The following TMEM260 variants were observed in gnomAD, a reference collection of about 807,000 sequenced individuals.
The protein encoded by TMEM260 is transmembrane protein 260, also known as protein O-mannosyl-transferase TMEM260.
A neutral mutation model predicts 88.9 loss-of-function variants in TMEM260; 82 were observed. The ratio of observed to expected loss-of-function variants is 0.92; its 90% CI spans 0.77 to 1.11. The LOEUF (loss-of-function observed/expected upper bound fraction) is 1.11, where lower values mean the gene tolerates loss of function less well. Ranked by LOEUF, TMEM260 falls within the 50% of genes least tolerant of loss-of-function variation. The probability of loss-of-function intolerance (pLI) is 0.00; values close to 1 mark genes in which losing one functional copy is unlikely to be tolerated. For missense variants in TMEM260, 902 were observed against 853.4 expected (o/e 1.06, Z -0.71); for synonymous variants, 314 against 309.3 (o/e 1.02, Z -0.16).
Position 56,625,715 on chromosome 14 carries a change from A to C in TMEM260, c.1547+185A>C, listed in dbSNP as rs534378035. 4.6e-5 allele frequency among the ~76,000 whole-genome samples: 7 copies of C among 152,308 alleles called. No homozygotes were observed. The South Asian group carries it at 1.0e-3, about 23-fold the overall frequency. On this transcript the variant is annotated intron_variant, in intron 12 of 15. Coordinates refer to ENST00000261556, the MANE Select transcript of TMEM260 (RefSeq NM_017799.4). ...ATGAGGCCAGGCAGAAATAAATGTT[A>C]TTGTTTTGGATAAAGGAAAAATACA...
Position 56,603,997 on chromosome 14 carries a change from CCTA to C in TMEM260, c.522+6_522+8del. On this transcript the variant is annotated splice_donor_region_variant and intron_variant, in intron 4 of 15. Transcript: ENST00000261556. ...ACTGCTAAGGAGAGATCAAAGGTAA[CCTA>C]TTTTGATCAAAGTGAAATCAGTTTT... 6.5e-7 allele frequency: 1 copy of C among 1,529,744 alleles called. No homozygotes were observed. The highest frequency in any genetic ancestry group is 8.7e-7 in the Non-Finnish European group (1 of 1,143,984). 94.8% of individuals were successfully genotyped at this position (1,529,744 alleles called of 1,614,324 possible).
At chr14:56,654,770 C>T (rs12323492), downstream of TMEM260, among the ~76,000 whole-genome samples, 15 of 136,662 alleles carry the variant, frequency 1.1e-4, no homozygotes, top group Admixed American at 5.5e-4. Flanking sequence ...GCCAAGATCG[C>T]GCCATTGCAC....
chr14:56,630,033 C>CCTAT (rs1398114289), intron 12 of TMEM260, among the ~76,000 whole-genome samples: 8 of 149,354 alleles, frequency 5.4e-5, no homozygotes, highest in East Asian at 2.0e-4. Context: ...AGAGCAAAAC[C>CCTAT]CTATCTCAGA....
At chr14:56,654,545 G>T (rs1220414388), downstream of TMEM260, among the ~76,000 whole-genome samples, 1 of 151,090 alleles carries the variant, frequency 6.6e-6, no homozygotes, top group Non-Finnish European at 1.5e-5. Flanking sequence ...TCAGGCGGGT[G>T]CAGTGGCTCA....
At chr14:56,585,334 T>C (rs1426637836) in intron 2 of TMEM260, among the ~76,000 whole-genome samples, 1 of 152,132 alleles carries the variant, frequency 6.6e-6, no homozygotes, top group Non-Finnish European at 1.5e-5. Context: ...TAATAAACTT[T>C]ATTATGGTGC....
At chr14:56,647,170 G>GTGTT (rs1242069522) in intron 15 of TMEM260, 73 bp from the exon 16 acceptor site, 2 of 1,484,684 alleles carry the variant, frequency 1.3e-6, no homozygotes. Context: ...TAATTCCTCT[G>GTGTT]TGTTTTTTTG....
upstream of TMEM260, chr14:56,579,781 C>A: frequency 1.2e-6 from 1 of 837,020 alleles, no homozygotes; most frequent in Non-Finnish European, 1.6e-6. Flanking sequence ...AAGGTGCGGT[C>A]CAACCCGCGG....
intron 13 of TMEM260, 129 bp from the exon 14 acceptor site, chr14:56,634,770 A>C: frequency 2.7e-6 from 2 of 728,266 alleles, no homozygotes. Flanking sequence ...TGAACCCAGG[A>C]GGTGGAGGTT....
chr14:56,653,736 C>CAAAAAAAAAAAAAA (rs10522889), downstream of TMEM260, among the ~76,000 whole-genome samples: 28,833 of 64,768 alleles, frequency 0.45, 5,574 homozygotes, highest in Non-Finnish European at 0.57. Flanking sequence ...CTCTTGTCTC[C>CAAAAAAAAAAAAAA]AAAACAAAAA....
chr14:56,629,175 C>T (rs1387452032), intron 12 of TMEM260, among the ~76,000 whole-genome samples: 12 of 151,722 alleles, frequency 7.9e-5, no homozygotes, highest in East Asian at 1.9e-4. Context: ...GGATTACAGG[C>T]GTGAGCCACC....
In TMEM260 at chr14:56,617,239, C is replaced by T. The variant is rs748713567; in HGVS notation, c.998C>T (p.Ser333Leu). Residue 333 changes from serine to leucine, a missense_variant, in exon 9 of 16, where the codon TCA (serine) becomes TTA (leucine). Physicochemically the swap from Ser to Leu is moderately radical, Grantham distance 145 (BLOSUM62 -2). Transcript: ENST00000261556. ...WLFTGMFCIYSLFFAWRANLD... is the reference protein window; with the variant it reads ...WLFTGMFCIYLLFFAWRANLD... ...TTTACTGGAATGTTTTGCATTTATT[C>T]ATTGTTCTTTGCTTGGAGAGCAAAT... 2.5e-6 allele frequency: 4 copies of T among 1,604,932 alleles called. No homozygotes were observed. Among genetic ancestry groups the T allele is most frequent in the Non-Finnish European group, 3.4e-6 (4 of 1,176,480 alleles).
intron 3 of TMEM260, 65 bp from the exon 4 acceptor site, chr14:56,603,750 C>G (rs1886716967): frequency 3.1e-6 from 5 of 1,591,484 alleles, no homozygotes; most frequent in Non-Finnish European, 4.3e-6. Context: ...TACAGTTTAC[C>G]AAAAGGAAAA....
chr14:56,610,478 G>A (rs28504189), intron 6 of TMEM260, among the ~76,000 whole-genome samples: 1,643 of 152,090 alleles, frequency 0.011, 20 homozygotes, highest in African/African-American at 0.036. Context: ...TCCTGACCTC[G>A]TGATCCACCC....
intron 7 of TMEM260, 173 bp downstream of exon 7, chr14:56,612,458 G>A (rs1887342594): frequency 1.6e-6 from 1 of 618,608 alleles, no homozygotes; most frequent in Non-Finnish European, 2.8e-6. Flanking sequence ...TATCCATGGG[G>A]TATTGGTTAC....
At chr14:56,629,140 TCTGCC>T (rs1888419817) in intron 12 of TMEM260, among the ~76,000 whole-genome samples, 1 of 151,980 alleles carries the variant, frequency 6.6e-6, no homozygotes, top group Admixed American at 6.6e-5. Flanking sequence ...AAGTGATCCA[TCTGCC>T]TTGGCCTCCC....
intron 3 of TMEM260, among the ~76,000 whole-genome samples, chr14:56,603,482 A>T (rs1886701350): frequency 1.3e-5 from 2 of 152,158 alleles, no homozygotes. Context: ...TTCTTCATGG[A>T]TGGAGCAAGA....
At chr14:56,612,718 A>G (rs1013322351) in intron 7 of TMEM260, 4 of 119,492 alleles carry the variant, frequency 3.3e-5, no homozygotes, top group African/African-American at 1.4e-4. Flanking sequence ...TTTTTTTTTG[A>G]TTTAAGGTTA....
intron 1 of TMEM260, among the ~76,000 whole-genome samples, chr14:56,580,830 A>C (rs1282451816): frequency 6.6e-6 from 1 of 152,248 alleles, no homozygotes; most frequent in Non-Finnish European, 1.5e-5. Flanking sequence ...TATCATGGCC[A>C]GTAATTTTGT....
intron 3 of TMEM260, among the ~76,000 whole-genome samples, chr14:56,590,496 G>A (rs899609998): frequency 2.6e-5 from 4 of 152,216 alleles, no homozygotes; most frequent in African/African-American, 9.7e-5. Flanking sequence ...TAAATCCCAT[G>A]TGTAAGATGA....
Sources: allele counts gnomAD v4.1 joint callset (sites outside exome capture counted in the v4.1 genomes callset), GRCh38; gene constraint gnomAD v4.1.1; transcripts MANE v1.5; gene names NCBI Gene and HGNC (gene_info 2026-07-23, HGNC 2026-07-21).